MBOAT1: variants seen among roughly 807,000 people sequenced by gnomAD.
MBOAT1 encodes the protein membrane-bound glycerophospholipid O-acyltransferase 1.
In MBOAT1, 67 loss-of-function variants were observed where a neutral mutation model predicts 64.4. That is an observed-to-expected ratio of 1.04 (90% CI 0.85 to 1.27). MBOAT1 has a LOEUF of 1.27. MBOAT1 is among the 50% of genes most tolerant of loss of function. The probability of loss-of-function intolerance (pLI) is 0.00; values close to 1 mark genes in which losing one functional copy is unlikely to be tolerated. For missense variants in MBOAT1, 563 were observed against 604.6 expected (o/e 0.93, Z 0.72); for synonymous variants, 229 against 218.9 (o/e 1.05, Z -0.41).
intron 12 of MBOAT1, among the ~76,000 whole-genome samples, chr6:20,103,423 G>T (rs1759858978): frequency 1.4e-5 from 2 of 146,292 alleles, no homozygotes; most frequent in Admixed American, 6.8e-5. Context: ...TTGGTTTTTT[G>T]TTTGTTTGTT....
At chr6:20,200,630 G>A (rs547287926) in intron 1 of MBOAT1, among the ~76,000 whole-genome samples, 99 of 152,092 alleles carry the variant, frequency 6.5e-4, no homozygotes, top group Non-Finnish European at 1.2e-3. Flanking sequence ...CCAAGTCTTC[G>A]GCCTCCCCCA....
intron 1 of MBOAT1, among the ~76,000 whole-genome samples, chr6:20,170,823 G>A (rs1370287770): frequency 6.6e-6 from 1 of 152,174 alleles, no homozygotes; most frequent in Non-Finnish European, 1.5e-5. Context: ...CTTCAAGAAG[G>A]CGGAAACCAT....
At position 20,100,858 on chromosome 6, in the gene MBOAT1, T is replaced by C. The variant is rs1410435135; in HGVS notation, c.*1428A>G. ...ATCATCATTATTATTTTCCACAACA[T>C]TTAATACCAAGTTTCCTTCTCTCAC... On this transcript the variant is annotated 3_prime_UTR_variant, in exon 13 of 13. Transcript: ENST00000324607. Among the ~76,000 whole-genome samples the C allele has an allele frequency of 6.6e-6, 1 of 152,142 alleles. No homozygotes were observed. The highest frequency in any genetic ancestry group is 1.5e-5 in the Non-Finnish European group (1 of 68,040).
Position 20,126,686 on chromosome 6 carries a change from A to G in MBOAT1, c.545T>C (p.Phe182Ser). ...GAGAAGGTAACTTAAGTATTCCAAA[A>G]AAGAGGGTTTCACTCTGTGAAAATA... Reference protein sequence around the residue: ...HRLAIKVKPSFLEYLSYLLNF... With the variant: ...HRLAIKVKPSSLEYLSYLLNF... The change falls in exon 7 of 13, where the codon TTT becomes TCT. Residue 182 changes from phenylalanine to serine, a missense_variant. Phe to Ser is a radical substitution (Grantham distance 155). Transcript: ENST00000324607. The G allele has an allele frequency of 6.2e-7, 1 of 1,610,582 alleles. No individual in the cohort carries two copies. Among genetic ancestry groups the G allele is most frequent in the Non-Finnish European group, 8.5e-7 (1 of 1,178,622 alleles).
intron 8 of MBOAT1, among the ~76,000 whole-genome samples, chr6:20,123,257 C>T (rs1483347501): frequency 1.3e-5 from 2 of 152,154 alleles, no homozygotes; most frequent in Admixed American, 6.5e-5. Context: ...TTCCCTCATT[C>T]GTGAGATGTG....
chr6:20,160,123 A>C (rs946970795), intron 1 of MBOAT1, among the ~76,000 whole-genome samples: 6 of 152,238 alleles, frequency 3.9e-5, no homozygotes, highest in African/African-American at 1.4e-4. Flanking sequence ...ACACATGCCC[A>C]AGTGTTTGAC....
chr6:20,116,041 G>T (rs1207678822), intron 9 of MBOAT1, among the ~76,000 whole-genome samples: 5 of 151,648 alleles, frequency 3.3e-5, no homozygotes. Flanking sequence ...GTGATAAAAA[G>T]CATGATGCAG....
chr6:20,206,566 G>A (rs1763272024), intron 1 of MBOAT1, among the ~76,000 whole-genome samples: 1 of 152,184 alleles, frequency 6.6e-6, no homozygotes, highest in African/African-American at 2.4e-5. Flanking sequence ...GAGGATGCAT[G>A]CAGAGGCATG....
rs181489436 is a variant in MBOAT1, at chr6:20,123,782, C to T, written c.907+626G>A. ...ACAAAAAAGCCAGATCAAGGCTGGG[C>T]GTGGTGGCTCACACCTGTAATCCCA... On this transcript the variant is annotated intron_variant, in intron 8 of 12. Transcript: ENST00000324607. 1.2e-3 allele frequency among the ~76,000 whole-genome samples: 186 copies of T among 152,136 alleles called. 4 individuals carry two copies. The East Asian group carries it at 0.028, about 23-fold the overall frequency.
chr6:20,179,892 T>C (rs897039480), intron 1 of MBOAT1, among the ~76,000 whole-genome samples: 1 of 150,594 alleles, frequency 6.6e-6, no homozygotes, highest in Non-Finnish European at 1.5e-5. Flanking sequence ...GGTTTCGATG[T>C]GCATTTCTCG....
chr6:20,192,552 A>T (rs749151616), intron 1 of MBOAT1, among the ~76,000 whole-genome samples: 15 of 152,238 alleles, frequency 9.9e-5, no homozygotes, highest in Non-Finnish European at 1.8e-4. Context: ...GTCCTACAAG[A>T]CAGAAAATGT....
chr6:20,115,499 A>C (rs1188015844), intron 9 of MBOAT1, 147 bp from the exon 10 acceptor site: 1 of 616,204 alleles, frequency 1.6e-6, no homozygotes, highest in African/African-American at 1.8e-5. Context: ...GTTCCATCCT[A>C]CACAGGACAA....
intron 11 of MBOAT1, among the ~76,000 whole-genome samples, chr6:20,111,627 T>C (rs1760139248): frequency 6.6e-6 from 1 of 151,810 alleles, no homozygotes; most frequent in Non-Finnish European, 1.5e-5. Context: ...AACAGAATTC[T>C]AAGTTTTATT....
intron 1 of MBOAT1, among the ~76,000 whole-genome samples, chr6:20,210,130 G>C (rs1476575762): frequency 6.6e-6 from 1 of 152,152 alleles, no homozygotes; most frequent in Non-Finnish European, 1.5e-5. Flanking sequence ...TCCTAATGTC[G>C]GGCATTTCAC....
At chr6:20,119,231 G>A (rs1760422637) in intron 8 of MBOAT1, among the ~76,000 whole-genome samples, 1 of 152,180 alleles carries the variant, frequency 6.6e-6, no homozygotes, top group African/African-American at 2.4e-5. Context: ...CACCCATAAA[G>A]TCCCTTTAAA....
At position 20,185,078 on chromosome 6, in the gene MBOAT1, C is replaced by A. The variant is rs559870712; in HGVS notation, c.99+27058G>T. ...CAGCCTGGGTAGCATAGTGAGACCC[C>A]ATCTCTACAAAAAAAAATTTAATTA... On this transcript the variant is annotated intron_variant, in intron 1 of 12. Coordinates refer to ENST00000324607, the MANE Select transcript of MBOAT1 (RefSeq NM_001080480.3). 6.6e-4 allele frequency among the ~76,000 whole-genome samples: 100 copies of A among 151,912 alleles called. 1 individual carries two copies. Among genetic ancestry groups the A allele is most frequent in the African/African-American group, 2.3e-3 (96 of 41,438 alleles).
rs572562032 is a variant in MBOAT1, at chr6:20,113,136, T to C, written c.1077-128A>G. The C allele has an allele frequency of 3.5e-6, 4 of 1,151,836 alleles. No homozygotes were observed. The East Asian group carries it at 1.0e-4, about 30-fold the overall frequency. The allele number at this position is 1,151,836 out of a possible 1,614,324, so 71.4% of individuals were successfully genotyped here. On this transcript the variant is annotated intron_variant, in intron 10 of 12. Transcript: ENST00000324607. The stretch of plus-strand genomic sequence containing the variant: ...TACTGATGAGATGCCTCCCTAACCG[T>C]CTTCGGGGACTTGCAGTGCAATCCA...
In MBOAT1 at chr6:20,100,294, C is replaced by G. The variant is rs1328073821; in HGVS notation, c.*1992G>C. On this transcript the variant is annotated 3_prime_UTR_variant, in exon 13 of 13. Coordinates refer to ENST00000324607, the MANE Select transcript of MBOAT1 (RefSeq NM_001080480.3). ...ACTCCACACCAATGGTAATATTTAC[C>G]ATTTTTGCTAGTTTGCAAGATGTAC... Among the ~76,000 whole-genome samples the G allele has an allele frequency of 1.3e-5, 2 of 152,088 alleles. No individual in the cohort carries two copies. The highest frequency in any genetic ancestry group is 4.8e-5 in the African/African-American group (2 of 41,410).
At chr6:20,193,148 G>A (rs1447478012) in intron 1 of MBOAT1, among the ~76,000 whole-genome samples, 6 of 151,674 alleles carry the variant, frequency 4.0e-5, no homozygotes, top group Non-Finnish European at 8.8e-5. Context: ...TGGGACTACA[G>A]GTGCCCGCCA....
Sources: allele counts gnomAD v4.1 joint callset (sites outside exome capture counted in the v4.1 genomes callset), GRCh38; gene constraint gnomAD v4.1.1; transcripts MANE v1.5; gene names NCBI Gene and HGNC (gene_info 2026-07-23, HGNC 2026-07-21).